The following DAB1 variants were observed in gnomAD, a reference collection of about 807,000 sequenced individuals.
DAB1 encodes DAB adaptor protein 1.
In DAB1, 15 loss-of-function variants were observed where a neutral mutation model predicts 64.6. That is an observed-to-expected ratio of 0.23 (90% confidence interval 0.16 to 0.36). The LOEUF (loss-of-function observed/expected upper bound fraction) is 0.36, where lower values mean the gene tolerates loss of function less well. Ranked by LOEUF, DAB1 falls within the 10% of genes least tolerant of loss-of-function variation. The pLI, the probability that DAB1 is intolerant of heterozygous loss-of-function variation, is 1.00. For synonymous variants in DAB1, 235 were observed against 251.9 expected, an observed-to-expected ratio of 0.93 and a Z score of 0.64; for missense variants, 596 against 706.7, an observed-to-expected ratio of 0.84 and a Z score of 1.78.
At chr1:57,673,794 T>A (rs1182733458) in intron 6 of DAB1, among the ~76,000 whole-genome samples, 1 of 152,158 alleles carries the variant, frequency 6.6e-6, no homozygotes, top group Non-Finnish European at 1.5e-5. Context: ...AGGATCAACC[T>A]TAGGCTTTCT....
intron 5 of DAB1, among the ~76,000 whole-genome samples, chr1:57,923,609 T>C (rs774929062): frequency 1.4e-4 from 21 of 152,210 alleles, no homozygotes; most frequent in Non-Finnish European, 2.5e-4. Flanking sequence ...AAGTCACAGG[T>C]TGGAAACTGT....
At chr1:58,210,613 G>T (rs536821646) in intron 4 of DAB1, among the ~76,000 whole-genome samples, 29 of 152,138 alleles carry the variant, frequency 1.9e-4, no homozygotes, top group Non-Finnish European at 3.5e-4. Flanking sequence ...AGACCCCTCT[G>T]GTCTAAAAGG....
chr1:57,709,011 T>C (rs929236054), intron 6 of DAB1, among the ~76,000 whole-genome samples: 1 of 152,118 alleles, frequency 6.6e-6, no homozygotes, highest in Non-Finnish European at 1.5e-5. Context: ...TTCCACTTCC[T>C]CCTAAGGAAT....
chr1:57,934,858 C>T (rs1005441319), intron 5 of DAB1, among the ~76,000 whole-genome samples: 1 of 152,156 alleles, frequency 6.6e-6, no homozygotes, highest in Non-Finnish European at 1.5e-5. Context: ...TCCTTCTGAG[C>T]GAACTGTAAG....
chr1:57,321,367 C>T (rs1230991925), intron 1 of DAB1, among the ~76,000 whole-genome samples: 1 of 152,188 alleles, frequency 6.6e-6, no homozygotes, highest in Non-Finnish European at 1.5e-5. Context: ...GTCAGCCCAC[C>T]ATGGCCCCTT....
At chr1:57,376,273 T>C (rs910547602) in intron 1 of DAB1, among the ~76,000 whole-genome samples, 11 of 152,196 alleles carry the variant, frequency 7.2e-5, no homozygotes, top group Non-Finnish European at 1.5e-4. Context: ...TCTGTCTGTG[T>C]AAATTTGCGC....
intron 8 of DAB1, among the ~76,000 whole-genome samples, chr1:57,067,493 T>C (rs1458664286): frequency 6.6e-6 from 1 of 152,160 alleles, no homozygotes; most frequent in Non-Finnish European, 1.5e-5. Context: ...GGGGTTGTTG[T>C]GAGAGATAAG....
At chr1:57,241,745 T>C (rs1454842428) in intron 2 of DAB1, among the ~76,000 whole-genome samples, 1 of 152,148 alleles carries the variant, frequency 6.6e-6, no homozygotes, top group Non-Finnish European at 1.5e-5. Context: ...CTCACTTCCC[T>C]TACTCTGAGC....
chr1:57,094,738 C>G (rs1654001766), intron 4 of DAB1, among the ~76,000 whole-genome samples: 1 of 152,166 alleles, frequency 6.6e-6, no homozygotes, highest in African/African-American at 2.4e-5. Context: ...GATCTTATCA[C>G]TGTCCTATGC....
In DAB1 at chr1:57,695,380, GA is replaced by G. The variant is rs879274770; in HGVS notation, n.552-45716del. On this transcript the variant is annotated intron_variant and non_coding_transcript_variant, in intron 6 of 20. Transcript: ENST00000485760. ...AAGAAAGAAGAAAGAAAGAAAGAAA[GA>G]AAGAAAGAAAGAAAGAAAGAAAGAA... is the stretch of plus-strand genomic sequence containing the variant. 6.4e-3 allele frequency among the ~76,000 whole-genome samples: 447 copies of G among 69,364 alleles called. 4 individuals are homozygous for G. The highest frequency in any genetic ancestry group is 0.019 in the South Asian group (31 of 1,670). The allele number at this position is 69,364 out of a possible 152,430, so 45.5% of individuals were successfully genotyped here. A position where few individuals can be genotyped will look rare whatever the true frequency, so the allele number is the denominator to read the frequency against.
intron 6 of DAB1, among the ~76,000 whole-genome samples, chr1:57,711,358 C>T (rs1028995308): frequency 4.6e-5 from 7 of 152,202 alleles, no homozygotes; most frequent in Non-Finnish European, 8.8e-5. Context: ...TGGTTTCAAT[C>T]CCTCCCTTTG....
chr1:57,338,897 T>C (rs1225240208), intron 1 of DAB1, among the ~76,000 whole-genome samples: 1 of 152,230 alleles, frequency 6.6e-6, no homozygotes, highest in Non-Finnish European at 1.5e-5. Context: ...GTAAGAACTT[T>C]GTAAGTGCTA....
intron 6 of DAB1, among the ~76,000 whole-genome samples, chr1:57,757,942 G>A (rs1648895330): frequency 6.6e-6 from 1 of 151,986 alleles, no homozygotes. Flanking sequence ...TCAGCCTCCT[G>A]AGTAGCTAGG....
At chr1:57,055,503 G>C (rs1039865953) in intron 9 of DAB1, among the ~76,000 whole-genome samples, 7 of 152,294 alleles carry the variant, frequency 4.6e-5, no homozygotes, top group African/African-American at 1.7e-4. Flanking sequence ...GGAAAGTAAA[G>C]AGATGGAACC....
chr1:58,503,480 A>T (rs1398316551), intron 3 of DAB1, among the ~76,000 whole-genome samples: 5 of 152,112 alleles, frequency 3.3e-5, no homozygotes. Flanking sequence ...TCTAGTTAAG[A>T]TAGCTGCTGA....
intron 4 of DAB1, among the ~76,000 whole-genome samples, chr1:57,130,849 A>T (rs1337267460): frequency 6.6e-6 from 1 of 152,312 alleles, no homozygotes. Context: ...ATTCGGTATT[A>T]TGTATATGGG....
chr1:57,061,137 C>T (rs1650343136), intron 9 of DAB1, among the ~76,000 whole-genome samples: 1 of 150,786 alleles, frequency 6.6e-6, no homozygotes, highest in Non-Finnish European at 1.5e-5. Flanking sequence ...AGAATAGGGT[C>T]CCTAGACTTG....
At chr1:58,048,557 C>G in intron 5 of DAB1, 1 of 1,058,408 alleles carries the variant, frequency 9.4e-7, no homozygotes, top group Non-Finnish European at 1.5e-6. Context: ...ATTGCCAAAC[C>G]CATTATAACC....
At chr1:57,716,050 C>T (rs775376967) in intron 6 of DAB1, among the ~76,000 whole-genome samples, 1 of 152,176 alleles carries the variant, frequency 6.6e-6, no homozygotes, top group Admixed American at 6.5e-5. Flanking sequence ...GCTGGGATTA[C>T]AGGCACCTGC....
Sources: allele counts gnomAD v4.1 joint callset (sites outside exome capture counted in the v4.1 genomes callset), GRCh38; gene constraint gnomAD v4.1.1; transcripts MANE v1.5; gene names NCBI Gene and HGNC (gene_info 2026-07-23, HGNC 2026-07-21).